CNTN5: variants seen among roughly 807,000 people sequenced by gnomAD.
CNTN5 encodes contactin-5.
Under a neutral mutation model 129.1 loss-of-function variants are expected in CNTN5, and 77 were observed. That is an observed-to-expected ratio of 0.60 (90% CI 0.50 to 0.72). The LOEUF (loss-of-function observed/expected upper bound fraction) is 0.72. Among genes scored for constraint, CNTN5 ranks in the 30% least tolerant of loss-of-function variants. The probability of loss-of-function intolerance (pLI) is 0.00; values close to 1 mark genes in which losing one functional copy is unlikely to be tolerated. For synonymous variants in CNTN5, 509 were observed against 465.6 expected, an observed-to-expected ratio of 1.09 and a Z score of -1.20; for missense variants, 1,478 against 1,328.8, an observed-to-expected ratio of 1.11 and a Z score of -1.75.
At chr11:99,500,121 GAT>G (rs2135379790) in intron 2 of CNTN5, among the ~76,000 whole-genome samples, 1 of 140,628 alleles carries the variant, frequency 7.1e-6, no homozygotes, top group East Asian at 2.4e-4. Context: ...AGATTTGTTT[GAT>G]AATGAAAAAA....
intron 3 of CNTN5, among the ~76,000 whole-genome samples, chr11:99,752,554 T>C (rs1217798819): frequency 2.0e-5 from 3 of 152,228 alleles, no homozygotes; most frequent in Non-Finnish European, 4.4e-5. Context: ...GTAAATGTTA[T>C]AATTTGTGTT....
At position 99,464,309 on chromosome 11, in the gene CNTN5, A is replaced by C. The variant is rs1005141260; in HGVS notation, c.-70-91836A>C. ...AGGGGAATTGGGGATAAATGAGCAC[A>C]TGTTATCATTGGAAGTGGATGATAT... On this transcript the variant is annotated intron_variant, in intron 2 of 24. Coordinates refer to ENST00000524871, the MANE Select transcript of CNTN5 (RefSeq NM_014361.4). Among the ~76,000 whole-genome samples the C allele has an allele frequency of 3.3e-5, 5 of 152,328 alleles. 1 individual carries two copies. The highest frequency in any genetic ancestry group is 3.4e-3 in the Middle Eastern group (1 of 294).
intron 15 of CNTN5, among the ~76,000 whole-genome samples, chr11:100,214,605 G>A (rs985508723): frequency 3.3e-5 from 5 of 152,144 alleles, no homozygotes; most frequent in Non-Finnish European, 7.3e-5. Flanking sequence ...GAATACCCAT[G>A]TCCTCACTGT....
At chr11:99,226,230 T>C (rs1464840590) in intron 1 of CNTN5, among the ~76,000 whole-genome samples, 1 of 152,170 alleles carries the variant, frequency 6.6e-6, no homozygotes, top group Non-Finnish European at 1.5e-5. Flanking sequence ...TAGTCTTAAA[T>C]GTGAAATGTA....
At chr11:99,697,549 T>C (rs1454941567) in intron 3 of CNTN5, among the ~76,000 whole-genome samples, 1 of 151,618 alleles carries the variant, frequency 6.6e-6, no homozygotes, top group Middle Eastern at 3.4e-3. Flanking sequence ...TCAAAAACAA[T>C]GAGTGGCTGA....
chr11:99,424,872 C>A (rs970264645), intron 2 of CNTN5, among the ~76,000 whole-genome samples: 13 of 152,168 alleles, frequency 8.5e-5, no homozygotes, highest in African/African-American at 3.1e-4. Context: ...GGTACGTGGA[C>A]AACTGGAGGG....
intron 7 of CNTN5, among the ~76,000 whole-genome samples, chr11:99,942,216 G>C (rs1433758570): frequency 3.3e-5 from 5 of 152,028 alleles, no homozygotes; most frequent in African/African-American, 9.7e-5. Context: ...GTGTATGACA[G>C]AGTTCCTGCT....
At chr11:99,724,511 T>G (rs1467237107) in intron 3 of CNTN5, among the ~76,000 whole-genome samples, 1 of 152,198 alleles carries the variant, frequency 6.6e-6, no homozygotes, top group Non-Finnish European at 1.5e-5. Context: ...CCATTACATA[T>G]GTTAATTAAT....
intron 7 of CNTN5, among the ~76,000 whole-genome samples, chr11:99,918,290 A>G (rs1949845647): frequency 6.6e-6 from 1 of 152,162 alleles, no homozygotes; most frequent in Admixed American, 6.6e-5. Context: ...AGCCTACTTC[A>G]CATATGAATC....
At chr11:100,312,133 T>C (rs1951485001) in intron 21 of CNTN5, among the ~76,000 whole-genome samples, 1 of 152,104 alleles carries the variant, frequency 6.6e-6, no homozygotes, top group Non-Finnish European at 1.5e-5. Flanking sequence ...TATGGCATCT[T>C]GTTACCAGAA....
chr11:99,859,200 A>G (rs1274239372), intron 6 of CNTN5, among the ~76,000 whole-genome samples: 5 of 152,178 alleles, frequency 3.3e-5, no homozygotes, highest in East Asian at 1.9e-4. Context: ...TATTCTCACA[A>G]TCTCTAATTT....
intron 1 of CNTN5, among the ~76,000 whole-genome samples, chr11:99,197,354 T>C (rs1468472000): frequency 1.2e-4 from 18 of 152,010 alleles, no homozygotes; most frequent in African/African-American, 2.2e-4. Context: ...TTATGAATTA[T>C]TAATTACACA....
chr11:100,311,306 G>T (rs1031170536), intron 21 of CNTN5, among the ~76,000 whole-genome samples: 2 of 151,866 alleles, frequency 1.3e-5, no homozygotes, highest in African/African-American at 4.8e-5. Flanking sequence ...CAAGAAACTA[G>T]GTAAATGGCA....
intron 2 of CNTN5, among the ~76,000 whole-genome samples, chr11:99,512,308 G>A (rs529818114): frequency 5.9e-5 from 9 of 152,132 alleles, no homozygotes; most frequent in Non-Finnish European, 1.3e-4. Flanking sequence ...TGCTGTGCAG[G>A]TCTGTAGCCT....
At chr11:100,203,227 G>C (rs1948826940) in intron 15 of CNTN5, among the ~76,000 whole-genome samples, 1 of 151,996 alleles carries the variant, frequency 6.6e-6, no homozygotes, top group Non-Finnish European at 1.5e-5. Flanking sequence ...CTGTGGGTGT[G>C]TTTTCCCATT....
chr11:99,789,237 C>G (rs1365273516), intron 3 of CNTN5, among the ~76,000 whole-genome samples: 1 of 151,742 alleles, frequency 6.6e-6, no homozygotes, highest in African/African-American at 2.4e-5. Context: ...TTGTACCAGA[C>G]AATGTACTCA....
chr11:100,312,685 T>C (rs1342504488), intron 21 of CNTN5, among the ~76,000 whole-genome samples: 6 of 152,094 alleles, frequency 3.9e-5, no homozygotes, highest in East Asian at 1.9e-4. Flanking sequence ...TCACATTTTA[T>C]GTACTTATAA....
chr11:100,093,102 C>T (rs1452576), intron 13 of CNTN5, among the ~76,000 whole-genome samples: 22 of 151,886 alleles, frequency 1.4e-4, no homozygotes, highest in Non-Finnish European at 3.1e-4. Context: ...GTCCCTGATC[C>T]GCCATACATG....
intron 13 of CNTN5, among the ~76,000 whole-genome samples, chr11:100,145,890 A>C (rs921243737): frequency 1.3e-5 from 2 of 152,118 alleles, no homozygotes; most frequent in Non-Finnish European, 1.5e-5. Context: ...TCGTCCCCAA[A>C]TCACTCCATT....
Sources: allele counts gnomAD v4.1 joint callset (sites outside exome capture counted in the v4.1 genomes callset), GRCh38; gene constraint gnomAD v4.1.1; transcripts MANE v1.5; gene names NCBI Gene and HGNC (gene_info 2026-07-23, HGNC 2026-07-21).